LARP1: variants seen among roughly 807,000 people sequenced by gnomAD.
LARP1 encodes the protein la-related protein 1.
A neutral mutation model predicts 122.7 loss-of-function variants in LARP1; 36 were observed. The observed-to-expected ratio is 0.29, with a 90% confidence interval of 0.22 to 0.39. LARP1 has a LOEUF of 0.39. Ranked by LOEUF, LARP1 falls within the 10% of genes least tolerant of loss-of-function variation. The probability of loss-of-function intolerance (pLI) is 1.00; values close to 1 mark genes in which losing one functional copy is unlikely to be tolerated. For missense variants in LARP1, 1,040 were observed against 1,403.6 expected (o/e 0.74, Z 4.14); for synonymous variants, 539 against 528.7 (o/e 1.02, Z -0.27).
intron 1 of LARP1, among the ~76,000 whole-genome samples, chr5:154,772,238 A>G (rs1336923521): frequency 1.3e-5 from 2 of 152,246 alleles, no homozygotes; most frequent in East Asian, 3.8e-4. Flanking sequence ...CTGTTTTAAC[A>G]TAATGTAAAA....
At chr5:154,756,969 G>A (rs1367046559) in intron 1 of LARP1, among the ~76,000 whole-genome samples, 2 of 150,388 alleles carry the variant, frequency 1.3e-5, no homozygotes, top group Non-Finnish European at 3.0e-5. Context: ...GGGGGAGGGA[G>A]TGGCCGGCCT....
chr5:154,788,164 A>T (rs1056163882), intron 1 of LARP1, among the ~76,000 whole-genome samples: 2 of 152,176 alleles, frequency 1.3e-5, no homozygotes, highest in African/African-American at 2.4e-5. Flanking sequence ...ACACAGAAGA[A>T]GATTTTGTCA....
At position 154,714,292 on chromosome 5, in the gene LARP1, ATAAT is replaced by A. The variant is rs202050280; in HGVS notation, c.205+1167_205+1170del. On this transcript the variant is annotated intron_variant, in intron 1 of 18. Coordinates refer to the LARP1 transcript ENST00000336314. ...TATTTTCTCCAATCACTGTGTGATA[ATAAT>A]TAATGTGATAAAAGAATTACTGATT... Among the ~76,000 whole-genome samples, 976 of 152,362 alleles carry A rather than the reference ATAAT, an allele frequency of 6.4e-3. 10 individuals carry two copies. The highest frequency in any genetic ancestry group is 0.022 in the African/African-American group (923 of 41,586).
intron 1 of LARP1, among the ~76,000 whole-genome samples, chr5:154,736,536 T>TTTTTTTTATTTATTTATTTA (rs552562542): frequency 3.0e-5 from 4 of 133,204 alleles, no homozygotes; most frequent in East Asian, 2.1e-4. Flanking sequence ...CCTGGCCTAT[T>TTTTTTTTATTTATTTATTTA]TTTATTTATT....
intron 1 of LARP1, among the ~76,000 whole-genome samples, chr5:154,720,264 C>T (rs1304642546): frequency 2.0e-5 from 3 of 152,056 alleles, no homozygotes; most frequent in African/African-American, 7.2e-5. Flanking sequence ...TCTGCAACAA[C>T]CATAATGTGA....
Position 154,792,426 on chromosome 5 carries a change from C to T in LARP1, c.565-196C>T, listed in dbSNP as rs1021445987. Among the ~76,000 whole-genome samples, 4 of 152,186 alleles carry T rather than the reference C, an allele frequency of 2.6e-5. No homozygotes were observed. The East Asian group carries it at 7.7e-4, about 29-fold the overall frequency. On this transcript the variant is annotated intron_variant, in intron 3 of 18. Transcript: ENST00000518297. ...GGAAGCTGGAGAGATAAGTTGCCTT[C>T]CCACCTTCTGGCCTATTTGACCATG...
chr5:154,801,721 G>A (rs1246042347), intron 10 of LARP1, among the ~76,000 whole-genome samples: 3 of 152,318 alleles, frequency 2.0e-5, no homozygotes, highest in East Asian at 3.9e-4. Context: ...AGGATATAAA[G>A]GTAAATGAGA....
chr5:154,733,367 A>AT (rs988276693), intron 1 of LARP1, among the ~76,000 whole-genome samples: 29 of 151,990 alleles, frequency 1.9e-4, no homozygotes, highest in African/African-American at 6.8e-4. Flanking sequence ...TCTATTTTTT[A>AT]TTTTTGTGTA....
intron 8 of LARP1, among the ~76,000 whole-genome samples, chr5:154,797,221 G>GTTTTTTTTTTTT (rs1158010359): frequency 2.0e-4 from 6 of 29,746 alleles, no homozygotes; most frequent in East Asian, 1.2e-3. Flanking sequence ...TGTTGTTGTT[G>GTTTTTTTTTTTT]TTTTTTTTTT....
In LARP1 at chr5:154,755,548, T is replaced by TC. The variant is rs1167745857; in HGVS notation, c.-202dup. The TC allele has an allele frequency of 1.2e-4, 120 of 978,578 alleles. No individual in the cohort carries two copies. The East Asian group carries it at 1.7e-3, about 14-fold the overall frequency. The allele number at this position is 978,578 out of a possible 1,614,324, so 60.6% of individuals were successfully genotyped here. ...TGGACTGCAGAGTGGGGGGCCTTCC[T>TC]CCCCCCCCGCCCCGCTAGTGGGCCT... On this transcript the variant is annotated 5_prime_UTR_variant, in exon 1 of 19. Transcript: ENST00000518297.
At chr5:154,780,059 G>C (rs911522708) in intron 1 of LARP1, among the ~76,000 whole-genome samples, 4 of 151,992 alleles carry the variant, frequency 2.6e-5, no homozygotes, top group African/African-American at 9.7e-5. Flanking sequence ...GGCCAGGCTG[G>C]CCTGGATTGG....
At chr5:154,732,807 C>G (rs997168512) in intron 1 of LARP1, among the ~76,000 whole-genome samples, 2 of 152,048 alleles carry the variant, frequency 1.3e-5, no homozygotes, top group Non-Finnish European at 2.9e-5. Flanking sequence ...TCTCAGAGCT[C>G]CTTGGAGATG....
chr5:154,794,547 A>G (rs891916025), intron 7 of LARP1, among the ~76,000 whole-genome samples: 3 of 152,244 alleles, frequency 2.0e-5, no homozygotes, highest in African/African-American at 7.2e-5. Context: ...TGTAATGACA[A>G]CATTGACAGA....
chr5:154,804,251 C>T lies in LARP1; in HGVS notation c.2490C>T (p.Ser830=), dbSNP rs140378046. The T allele has an allele frequency of 1.1e-3, 1,716 of 1,614,122 alleles. No individual in the cohort carries two copies. The highest frequency in any genetic ancestry group is 1.3e-3 in the Non-Finnish European group (1,549 of 1,180,008). ...ACAGTTCAAACCCACCCTTGGAGAGCCATGTGGGCTGGGTGATGGATTCCC... is the reference window on the plus strand; with the variant it reads ...ACAGTTCAAACCCACCCTTGGAGAGTCATGTGGGCTGGGTGATGGATTCCC... ...TRHSSNPPLE[S]HVGWVMDSRE... Residue 830 remains serine (S), a synonymous_variant, in exon 14 of 19, where the codon AGC becomes AGT. Transcript: ENST00000518297.
At chr5:154,723,077 G>C (rs1039850716) in intron 1 of LARP1, among the ~76,000 whole-genome samples, 8 of 152,216 alleles carry the variant, frequency 5.3e-5, no homozygotes, top group African/African-American at 1.9e-4. Flanking sequence ...AGTTGAGGTA[G>C]AGCCTGAACG....
At chr5:154,712,828 C>A, upstream of LARP1, 1 of 1,103,196 alleles carries the variant, frequency 9.1e-7, no homozygotes, top group Non-Finnish European at 1.3e-6. Flanking sequence ...GCCTGGCAAC[C>A]TGGAGAGCTC....
chr5:154,793,687 C>T lies in LARP1; in HGVS notation c.832C>T (p.Pro278Ser), dbSNP rs770474852. The T allele has an allele frequency of 6.2e-7, 1 of 1,614,198 alleles. No individual in the cohort carries two copies. Among genetic ancestry groups the T allele is most frequent in the South Asian group, 1.1e-5 (1 of 91,090 alleles). ...TTCACGCCCCACTCGCCCACCGGAG[C>T]CTAGACACATACCTGCCAATCGCGG... is the stretch of plus-strand genomic sequence containing the variant. ...LASRPTRPPEPRHIPANRGEI... is the reference protein window; with the variant it reads ...LASRPTRPPESRHIPANRGEI... Residue 278 changes from proline to serine, a missense_variant, in exon 5 of 19, where the codon CCT becomes TCT. Physicochemically the swap from Pro to Ser is moderately conservative, Grantham distance 74. Coordinates refer to ENST00000518297, the MANE Select transcript of LARP1 (RefSeq NM_033551.3).
At chr5:154,693,869 A>AAAAG (rs549389582) in intron 1 of LARP1, among the ~76,000 whole-genome samples, 127 of 146,076 alleles carry the variant, frequency 8.7e-4, no homozygotes, top group African/African-American at 2.3e-3. Context: ...AAAAAAAAAA[A>AAAAG]AAAGAAAGAA....
At chr5:154,720,935 T>A (rs1755826460) in intron 1 of LARP1, among the ~76,000 whole-genome samples, 1 of 152,050 alleles carries the variant, frequency 6.6e-6, no homozygotes. Context: ...AGGAAAACCA[T>A]CCAATCAGAG....
Sources: gnomAD v4.1 joint callset for allele counts (sites outside exome capture counted in the v4.1 genomes callset) on GRCh38, gnomAD v4.1.1 for gene constraint, MANE v1.5 for transcripts, NCBI Gene and HGNC (gene_info 2026-07-23, HGNC 2026-07-21) for gene names.